FBN3: variants seen among roughly 807,000 people sequenced by gnomAD.
FBN3 encodes the protein fibrillin 3, also known as fibrillin-3.
Under a neutral mutation model 330.1 loss-of-function variants are expected in FBN3, and 234 were observed. The ratio of observed to expected loss-of-function variants is 0.71; its 90% CI spans 0.64 to 0.79. FBN3 has a LOEUF of 0.79. Ranked by LOEUF, FBN3 falls within the 30% of genes least tolerant of loss-of-function variation. FBN3 has a pLI of 0.00. For missense variants in FBN3, 3,606 were observed against 3,886.9 expected, an observed-to-expected ratio of 0.93 and a Z score of 1.92; for synonymous variants, 1,458 against 1,517.3, an observed-to-expected ratio of 0.96 and a Z score of 0.91.
At chr19:8,093,665 T>C (rs960530573) in intron 47 of FBN3, among the ~76,000 whole-genome samples, 1 of 152,094 alleles carries the variant, frequency 6.6e-6, no homozygotes, top group Non-Finnish European at 1.5e-5. Context: ...TGAGTGACTG[T>C]AATCCCAGCT....
At position 8,121,615 on chromosome 19, in the gene FBN3, C is replaced by T. The variant is rs1016044702; in HGVS notation, c.3083-229G>A. On this transcript the variant is annotated intron_variant, in intron 24 of 63. Coordinates refer to ENST00000600128, the MANE Select transcript of FBN3 (RefSeq NM_032447.5). The surrounding 1 kb of genome is among the most constrained non-coding windows in gnomAD (Gnocchi z 4.5). ...CAGAACAGAAGCCCCCAAAAGGAGC[C>T]GAGGAAATGGAGGAACCCCAAACTA... Among the ~76,000 whole-genome samples, 22 of 152,146 alleles carry T rather than the reference C, an allele frequency of 1.4e-4. No individual in the cohort carries two copies. The highest frequency in any genetic ancestry group is 4.6e-4 in the African/African-American group (19 of 41,422).
chr19:8,073,321 A>C (rs1421318349), intron 61 of FBN3, 24 bp from the exon 62 acceptor site: 2 of 1,596,662 alleles, frequency 1.3e-6, no homozygotes, highest in East Asian at 2.2e-5. Context: ...GGAGGAGGAG[A>C]GGGAGGACGC....
chr19:8,101,047 C>A, intron 40 of FBN3, 75 bp from the exon 41 acceptor site: 1 of 1,254,592 alleles, frequency 8.0e-7, no homozygotes, highest in Non-Finnish European at 1.1e-6. Context: ...GGAGGGGACA[C>A]CTCATCCCTG....
chr19:8,087,135 G>T lies in FBN3; in HGVS notation c.6696C>A (p.Phe2232Leu). 1 of 1,610,946 alleles carries T rather than the reference G, an allele frequency of 6.2e-7. No homozygotes were observed. The highest frequency in any genetic ancestry group is 8.5e-7 in the Non-Finnish European group (1 of 1,179,540). Residue 2232 changes from phenylalanine (F) to leucine (L), a missense_variant, in exon 54 of 64, where the codon TTC becomes TTA. Phe to Leu is a conservative substitution (Grantham distance 22). Transcript: ENST00000600128. The stretch of plus-strand genomic sequence containing the variant: ...GCATGCCTGGGGGACAGACGCACGC[G>T]AAGGTACCGATGAGGTTCTTGCACT... ...GMECKNLIGT[F>L]ACVCPPGMRP...
chr19:8,081,194 G>T, intron 58 of FBN3, 75 bp from the exon 59 acceptor site: 1 of 1,501,348 alleles, frequency 6.7e-7, no homozygotes, highest in Non-Finnish European at 9.2e-7. Flanking sequence ...GGCTGCCCTT[G>T]CCACCTCCAG....
intron 1 of FBN3, among the ~76,000 whole-genome samples, chr19:8,148,151 C>T (rs2083595176): frequency 6.6e-6 from 1 of 152,090 alleles, no homozygotes; most frequent in African/African-American, 2.4e-5. Flanking sequence ...ACCCCCACTC[C>T]TGCAATGCCT....
intron 13 of FBN3, 25 bp downstream of exon 13, chr19:8,135,936 G>GGACACCCCCCC: frequency 1.5e-6 from 1 of 668,778 alleles, no homozygotes; most frequent in South Asian, 1.6e-5. Flanking sequence ...GGAAGCCCCT[G>GGACACCCCCCC]CCCACCCGCC....
In FBN3 at chr19:8,108,172, T is replaced by A. The variant is rs1227754890; in HGVS notation, c.4685A>T (p.Glu1562Val). 6.2e-7 allele frequency: 1 copy of A among 1,612,330 alleles called. No homozygotes were observed. The stretch of plus-strand genomic sequence containing the variant: ...TGGATGATCTGCCAGGAACTCACCT[T>A]CCAGAATGACAGTGATGCGGTTAGG... Reference protein sequence around the residue: ...FQPNRITVILEDIDECQELPG... With the variant: ...FQPNRITVILVDIDECQELPG... Residue 1562 changes from glutamate to valine, a missense_variant and splice_region_variant, in exon 37 of 64, where the codon GAA becomes GTA. Glu to Val is a moderately radical substitution (Grantham distance 121). Coordinates refer to ENST00000600128, the MANE Select transcript of FBN3 (RefSeq NM_032447.5).
chr19:8,091,617 TG>T, intron 47 of FBN3, 27 bp from the exon 48 acceptor site: 2 of 1,611,782 alleles, frequency 1.2e-6, no homozygotes, highest in Non-Finnish European at 1.7e-6. Context: ...ATGAGCTGGG[TG>T]GGGGGCAAGT....
At chr19:8,083,226 G>C (rs1158496322) in intron 57 of FBN3, 21 bp downstream of exon 57, 3 of 1,613,636 alleles carry the variant, frequency 1.9e-6, no homozygotes, top group Non-Finnish European at 1.7e-6. Flanking sequence ...CAAGGGTGCA[G>C]GTGCAGAGGG....
chr19:8,071,609 G>A (rs990784471), intron 63 of FBN3, among the ~76,000 whole-genome samples: 1 of 148,024 alleles, frequency 6.8e-6, no homozygotes, highest in Non-Finnish European at 1.5e-5. Context: ...GGCCACTTAG[G>A]GCCCCATTGG....
chr19:8,087,767 C>G (rs1394661402), intron 53 of FBN3, 58 bp downstream of exon 53: 12 of 1,491,406 alleles, frequency 8.0e-6, no homozygotes, highest in African/African-American at 1.4e-5. Context: ...TGCCACCATG[C>G]CCAGCTAATT....
chr19:8,075,457 C>CA, intron 59 of FBN3, 46 bp from the exon 60 acceptor site: 1 of 1,585,604 alleles, frequency 6.3e-7, no homozygotes, highest in Non-Finnish European at 8.6e-7. Flanking sequence ...GGTTAAGGAA[C>CA]TCGTGTCAGG....
At chr19:8,099,481 C>T (rs952034171) in intron 41 of FBN3, among the ~76,000 whole-genome samples, 2 of 151,340 alleles carry the variant, frequency 1.3e-5, no homozygotes, top group African/African-American at 2.4e-5. Context: ...GGGGTTTCAC[C>T]TTGTTAGCCA....
At position 8,123,585 on chromosome 19, in the gene FBN3, C is replaced by T. The variant is rs2082906129; in HGVS notation, c.2961G>A (p.Val987=). The T allele has an allele frequency of 6.2e-7, 1 of 1,614,190 alleles. No individual in the cohort carries two copies. Among genetic ancestry groups the T allele is most frequent in the Middle Eastern group, 1.6e-4 (1 of 6,062 alleles). Residue 987 remains valine, a synonymous_variant, in exon 24 of 64, where the codon GTG becomes GTA. Coordinates refer to ENST00000600128, the MANE Select transcript of FBN3 (RefSeq NM_032447.5). ...FLSGRPFYKD[V]NECKVFPGLC... ...GGCCAGGGAACACCTTGCATTCATTCACATCTGAAGTACAGGGGCATCAAA... is the reference window on the plus strand; with the variant it reads ...GGCCAGGGAACACCTTGCATTCATTTACATCTGAAGTACAGGGGCATCAAA...
intron 49 of FBN3, 59 bp from the exon 50 acceptor site, chr19:8,090,018 T>G: frequency 6.3e-7 from 1 of 1,599,102 alleles, no homozygotes; most frequent in Non-Finnish European, 8.5e-7. Context: ...CCCAGGTGTG[T>G]GCAGGGAAGG....
In FBN3 at chr19:8,066,166, G is replaced by C. The variant is rs143150244; in HGVS notation, c.8183C>G (p.Pro2728Arg). Residue 2728 changes from proline to arginine, a missense_variant, in exon 64 of 64, where the codon CCG (proline) becomes CGG (arginine). Coordinates refer to ENST00000600128, the MANE Select transcript of FBN3 (RefSeq NM_032447.5). ...CCGGCCCTCTAGACCCTCCAGGGCC[G>C]GCCGGAGCTCCAGGATGCGCTCGGC... ...GRAERILELR[P>R]ALEGLEGRIR... 8 of 1,612,876 alleles carry C rather than the reference G, an allele frequency of 5.0e-6. No homozygotes were observed. Among genetic ancestry groups the C allele is most frequent in the Non-Finnish European group, 6.8e-6 (8 of 1,179,658 alleles).
intron 5 of FBN3, among the ~76,000 whole-genome samples, chr19:8,145,419 G>A (rs1326576255): frequency 2.1e-5 from 3 of 143,414 alleles, no homozygotes; most frequent in African/African-American, 5.2e-5. Flanking sequence ...GGTAGCTCAC[G>A]CCTGTAATCC....
rs376017916 is a variant in FBN3, at chr19:8,075,164, G to A, written c.7609C>T (p.Arg2537Cys). Residue 2537 changes from arginine (R) to cysteine (C), a missense_variant, in exon 61 of 64, where the codon CGC becomes TGC. Coordinates refer to ENST00000600128, the MANE Select transcript of FBN3 (RefSeq NM_032447.5). ...TGGTTCTGACAGCCATGCTGGCAGCGGTGGGGCCCATCACATTCATTCACA... is the reference window on the plus strand; with the variant it reads ...TGGTTCTGACAGCCATGCTGGCAGCAGTGGGGCCCATCACATTCATTCACA... ...EDVNECDGPH[R>C]CQHGCQNQLG... The A allele has an allele frequency of 5.7e-5, 90 of 1,571,228 alleles. No individual in the cohort carries two copies. Among genetic ancestry groups the A allele is most frequent in the Middle Eastern group, 1.7e-4 (1 of 5,876 alleles).
Sources: gnomAD v4.1 joint callset for allele counts (sites outside exome capture counted in the v4.1 genomes callset) on GRCh38, gnomAD v4.1.1 for gene constraint, Gnocchi (gnomAD v3.1) non-coding constraint, MANE v1.5 for transcripts, NCBI Gene and HGNC (gene_info 2026-07-23, HGNC 2026-07-21) for gene names.